The following C8orf34 variants were observed in gnomAD, a reference collection of about 807,000 sequenced individuals.
The protein encoded by C8orf34 is chromosome 8 open reading frame 34, also known as uncharacterized protein C8orf34.
Under a neutral mutation model 68.3 loss-of-function variants are expected in C8orf34, and 65 were observed. The ratio of observed to expected loss-of-function variants is 0.95; its 90% CI spans 0.78 to 1.17. The LOEUF is 1.17. C8orf34 is among the 50% of genes most tolerant of loss of function. The pLI is 0.00. For missense variants in C8orf34, 664 were observed against 655.4 expected (o/e 1.01, Z -0.14); for synonymous variants, 244 against 241.2 (o/e 1.01, Z -0.11).
At chr8:68,774,119 A>G (rs988963559) in intron 10 of C8orf34, among the ~76,000 whole-genome samples, 3 of 152,000 alleles carry the variant, frequency 2.0e-5, no homozygotes, top group Non-Finnish European at 2.9e-5. Flanking sequence ...TGTAACTCTG[A>G]GCAATTTGCC....
intron 5 of C8orf34, among the ~76,000 whole-genome samples, chr8:68,506,612 C>A (rs1814033829): frequency 6.6e-6 from 1 of 152,110 alleles, no homozygotes; most frequent in East Asian, 1.9e-4. Context: ...ATCCTGGATG[C>A]CAACCTTTGT....
chr8:68,429,971 T>C (rs1810385796), intron 1 of C8orf34, among the ~76,000 whole-genome samples: 1 of 152,102 alleles, frequency 6.6e-6, no homozygotes, highest in South Asian at 2.1e-4. Flanking sequence ...GAGCTTCTTT[T>C]GTTCGAATGA....
chr8:68,667,251 A>C (rs1045612125), intron 8 of C8orf34, among the ~76,000 whole-genome samples: 10 of 152,200 alleles, frequency 6.6e-5, no homozygotes, highest in Admixed American at 2.6e-4. Context: ...GTATGCTAGA[A>C]AAGTAAAGGC....
chr8:68,651,295 C>A (rs1819350950), intron 8 of C8orf34, among the ~76,000 whole-genome samples: 1 of 152,150 alleles, frequency 6.6e-6, no homozygotes, highest in African/African-American at 2.4e-5. Context: ...CAAACGACAG[C>A]AAGAAAGCCT....
At chr8:68,565,285 G>A (rs1816552922) in intron 7 of C8orf34, among the ~76,000 whole-genome samples, 1 of 152,148 alleles carries the variant, frequency 6.6e-6, no homozygotes, top group South Asian at 2.1e-4. Context: ...GCTTTTGTCA[G>A]TGTAGGCCTT....
intron 5 of C8orf34, among the ~76,000 whole-genome samples, chr8:68,516,586 T>C (rs1257107575): frequency 6.6e-6 from 1 of 152,020 alleles, no homozygotes; most frequent in Non-Finnish European, 1.5e-5. Context: ...CTGCAGAAAT[T>C]GGTAAGCTTT....
intron 8 of C8orf34, among the ~76,000 whole-genome samples, chr8:68,681,115 G>C (rs1820357529): frequency 1.3e-5 from 2 of 152,012 alleles, no homozygotes; most frequent in Admixed American, 1.3e-4. Context: ...GTCTTCCCTT[G>C]TTCCCTAAAA....
chr8:68,338,752 T>C (rs1805954360), intron 1 of C8orf34, among the ~76,000 whole-genome samples: 1 of 152,180 alleles, frequency 6.6e-6, no homozygotes, highest in South Asian at 2.1e-4. Context: ...GACTGAACCA[T>C]ATGGTAGGTA....
intron 1 of C8orf34, among the ~76,000 whole-genome samples, chr8:68,433,448 A>G (rs1340315823): frequency 6.6e-6 from 1 of 152,172 alleles, no homozygotes; most frequent in Non-Finnish European, 1.5e-5. Flanking sequence ...ACTTCCTGGG[A>G]ATTTGGAAAT....
chr8:68,547,512 A>G (rs376670770), intron 7 of C8orf34, among the ~76,000 whole-genome samples: 47 of 151,860 alleles, frequency 3.1e-4, no homozygotes, highest in African/African-American at 1.0e-3. Flanking sequence ...CAGAGGGAAC[A>G]CTTCTCGGAT....
chr8:68,535,450 A>G (rs1041514802), intron 7 of C8orf34: 1 of 975,124 alleles, frequency 1.0e-6, no homozygotes, highest in African/African-American at 1.8e-5. Context: ...AGTGAAAGGT[A>G]TAATTGTTAG....
chr8:68,671,602 C>T (rs766677991), intron 8 of C8orf34, among the ~76,000 whole-genome samples: 2 of 152,244 alleles, frequency 1.3e-5, no homozygotes, highest in Middle Eastern at 3.4e-3. Flanking sequence ...ATTGTCAGCA[C>T]CACATTTACC....
At chr8:68,506,726 C>G (rs961935180) in intron 5 of C8orf34, among the ~76,000 whole-genome samples, 2 of 152,150 alleles carry the variant, frequency 1.3e-5, no homozygotes, top group African/African-American at 2.4e-5. Flanking sequence ...GTGGTATTGA[C>G]GCTTTGTTTT....
In C8orf34 at chr8:68,613,860, G is replaced by A. The variant is rs533415083; in HGVS notation, c.1106-26516G>A. On this transcript the variant is annotated intron_variant, in intron 7 of 13. Coordinates refer to ENST00000518698, the MANE Select transcript of C8orf34 (RefSeq NM_052958.4). ...TCTAGTTCTAGATCCCTGAGGAATC[G>A]CCACACTGACTTCCACAATGGTTGA... Among the ~76,000 whole-genome samples, 382 of 152,132 alleles carry A rather than the reference G, an allele frequency of 2.5e-3. 1 individual carries two copies. The highest frequency in any genetic ancestry group is 4.2e-3 in the Admixed American group (64 of 15,262).
intron 12 of C8orf34, among the ~76,000 whole-genome samples, chr8:68,804,129 A>T (rs2129529689): frequency 6.6e-6 from 1 of 152,310 alleles, no homozygotes. Flanking sequence ...ATGCCACTGC[A>T]AATCAATTTT....
chr8:68,421,587 T>G (rs1809974378), intron 1 of C8orf34, among the ~76,000 whole-genome samples: 1 of 152,142 alleles, frequency 6.6e-6, no homozygotes, highest in Non-Finnish European at 1.5e-5. Context: ...ATAAAAACCC[T>G]AGGCTACTCA....
intron 10 of C8orf34, among the ~76,000 whole-genome samples, chr8:68,772,674 T>G (rs1823376293): frequency 6.6e-6 from 1 of 151,880 alleles, no homozygotes; most frequent in Non-Finnish European, 1.5e-5. Flanking sequence ...TTCTTCCTTC[T>G]TTCTTTCTTT....
At chr8:68,549,337 A>G in intron 7 of C8orf34, among the ~76,000 whole-genome samples, 1 of 151,852 alleles carries the variant, frequency 6.6e-6, no homozygotes, top group East Asian at 1.9e-4. Flanking sequence ...AGGAAACTAG[A>G]CACAGATTAT....
chr8:68,382,602 C>T (rs939622360), intron 1 of C8orf34, among the ~76,000 whole-genome samples: 4 of 152,186 alleles, frequency 2.6e-5, no homozygotes, highest in Non-Finnish European at 5.9e-5. Flanking sequence ...ATCTATTCCA[C>T]ACAGTAAGAT....
Sources: gnomAD v4.1 joint callset for allele counts (sites outside exome capture counted in the v4.1 genomes callset) on GRCh38, gnomAD v4.1.1 for gene constraint, MANE v1.5 for transcripts, NCBI Gene and HGNC (gene_info 2026-07-23, HGNC 2026-07-21) for gene names.